Variants in WEE2 observed in about 807,000 individuals in gnomAD.
The protein encoded by WEE2 is wee1-like protein kinase 2.
WEE2 carries 50 observed loss-of-function variants against 60.1 expected under a neutral mutation model. That is an observed-to-expected ratio of 0.83 (90% CI 0.66 to 1.05). The LOEUF (loss-of-function observed/expected upper bound fraction) is 1.05, where lower values mean the gene tolerates loss of function less well. Ranked by LOEUF, WEE2 falls within the 50% of genes least tolerant of loss-of-function variation. The pLI, the probability that WEE2 is intolerant of heterozygous loss-of-function variation, is 0.00. For missense variants in WEE2, 631 were observed against 684.3 expected (o/e 0.92, Z 0.87); for synonymous variants, 240 against 241.0 (o/e 1.00, Z 0.04).
intron 5 of WEE2, among the ~76,000 whole-genome samples, chr7:141,722,176 C>T (rs188864861): frequency 0.011 from 1,714 of 152,086 alleles, 16 homozygotes; most frequent in Non-Finnish European, 0.015. Context: ...GAGGCCGAGG[C>T]GGGCAGATCA....
chr7:141,730,034 T>C (rs1434845018), intron 11 of WEE2, among the ~76,000 whole-genome samples: 1 of 151,822 alleles, frequency 6.6e-6, no homozygotes, highest in East Asian at 1.9e-4. Context: ...AGCCAACCTT[T>C]TACTGTAGAA....
rs375849311 is a variant in WEE2, at chr7:141,712,318, C to T, written c.343-1891C>T. ...TGTTTGTGTTTTTGTGAGAGGTTGCCTTCTCTTCTCACCATCTTCATAAGT... is the reference window on the plus strand; with the variant it reads ...TGTTTGTGTTTTTGTGAGAGGTTGCTTTCTCTTCTCACCATCTTCATAAGT... On this transcript the variant is annotated intron_variant, in intron 1 of 11. Coordinates refer to ENST00000397541, the MANE Select transcript of WEE2 (RefSeq NM_001105558.1). Among the ~76,000 whole-genome samples, 29 of 152,198 alleles carry T rather than the reference C, an allele frequency of 1.9e-4. No homozygotes were observed. In the East Asian group the frequency reaches 3.9e-3, roughly 20 times the overall value.
intron 8 of WEE2, 31 bp from the exon 9 acceptor site, chr7:141,724,995 G>A (rs1301546096): frequency 6.2e-7 from 1 of 1,603,166 alleles, no homozygotes. Flanking sequence ...GCTTGGCATA[G>A]TAACTGGCCT....
At chr7:141,721,184 AT>A in intron 5 of WEE2, 128 bp downstream of exon 5, 22 of 1,096,714 alleles carry the variant, frequency 2.0e-5, no homozygotes, top group Non-Finnish European at 2.6e-5. Flanking sequence ...TCTGTACTAT[AT>A]ATTATAGTCT....
chr7:141,727,438 A>G lies in WEE2; in HGVS notation c.1527A>G (p.Thr509=), dbSNP rs1340523133. Residue 509 remains threonine (T), a synonymous_variant, in exon 10 of 12, where the codon ACA becomes ACG. Transcript: ENST00000397541. ...ATTTGGAAAAGTTCAAGACTGCCAC[A>G]CTGGAAAGGTATATTTTTGGATGAT... The part of the protein sequence containing the change: ...QLNLEKFKTA[T]LERELREAQQ... 3 of 1,614,038 alleles carry G rather than the reference A, an allele frequency of 1.9e-6. No homozygotes were observed. Among genetic ancestry groups the G allele is most frequent in the African/African-American group, 1.3e-5 (1 of 74,916 alleles).
rs761551942 is a variant in WEE2 at position 141,724,021 on chromosome 7, C to G, written c.1108C>G (p.Leu370Val). 1.9e-6 allele frequency: 3 copies of G among 1,613,266 alleles called. No homozygotes were observed. The African/African-American group carries it at 4.0e-5, about 22-fold the overall frequency. ...EEVENEADWF[L>V]SANVMYKIGD... ...AGTTGAAAATGAAGCTGATTGGTTT[C>G]TCTCTGCCAATGTGATGTATAAAAT... The change falls in exon 7 of 12, where the codon CTC becomes GTC. Residue 370 changes from leucine to valine, a missense_variant. Coordinates refer to ENST00000397541, the MANE Select transcript of WEE2 (RefSeq NM_001105558.1).
At chr7:141,726,952 G>A (rs1465795127) in intron 9 of WEE2, among the ~76,000 whole-genome samples, 2 of 152,252 alleles carry the variant, frequency 1.3e-5, no homozygotes, top group Non-Finnish European at 2.9e-5. Flanking sequence ...AAGTAAACTG[G>A]AGTAAGAGTT....
At chr7:141,723,688 G>A (rs910160539) in intron 6 of WEE2, among the ~76,000 whole-genome samples, 6 of 151,852 alleles carry the variant, frequency 4.0e-5, no homozygotes, top group African/African-American at 1.5e-4. Flanking sequence ...TTATTTTGGG[G>A]ACAATAGTAC....
chr7:141,726,379 C>T lies in WEE2; in HGVS notation c.1393-925C>T, dbSNP rs62486730. Among the ~76,000 whole-genome samples, 188 of 152,202 alleles carry T rather than the reference C, an allele frequency of 1.2e-3. 1 individual carries two copies. Among genetic ancestry groups the T allele is most frequent in the Non-Finnish European group, 2.3e-3 (155 of 68,016 alleles). On this transcript the variant is annotated intron_variant, in intron 9 of 11. Transcript: ENST00000397541. ...TACTGCAGCCTTGAACTCCTGGGCT[C>T]GAGCAATCCTCCTGCCTCAGCTTCC...
intron 3 of WEE2, among the ~76,000 whole-genome samples, chr7:141,717,501 C>G (rs1030968301): frequency 3.4e-4 from 52 of 152,104 alleles, no homozygotes; most frequent in Admixed American, 3.3e-3. Context: ...AAGTGCAAAG[C>G]ATTGTATTTA....
chr7:141,720,149 T>TA (rs1798884958), intron 4 of WEE2, among the ~76,000 whole-genome samples: 1 of 27,768 alleles, frequency 3.6e-5, no homozygotes, highest in Non-Finnish European at 6.6e-5. Context: ...CTCTTTTTTT[T>TA]TTTTTTTTTT....
At chr7:141,720,905 T>C in intron 4 of WEE2, 30 bp from the exon 5 acceptor site, 1 of 1,601,796 alleles carries the variant, frequency 6.2e-7, no homozygotes, top group Admixed American at 1.7e-5. Context: ...GATTGATGTT[T>C]TTATTCCTCA....
chr7:141,719,151 A>T lies in WEE2; in HGVS notation c.665A>T (p.Glu222Val), dbSNP rs1446375580. The change falls in exon 4 of 12, where the codon GAA becomes GTA. Residue 222 changes from glutamate to valine, a missense_variant. By Grantham distance (121) the Glu-to-Val change is moderately radical. Transcript: ENST00000397541. ...GAGGTTGAAAAAATTGGGGTTGGCGAATTTGGTACAGTCTACAAGTGCATT... is the reference window on the plus strand; with the variant it reads ...GAGGTTGAAAAAATTGGGGTTGGCGTATTTGGTACAGTCTACAAGTGCATT... ...FLEVEKIGVG[E>V]FGTVYKCIKR... 1.2e-6 allele frequency: 2 copies of T among 1,613,992 alleles called. No homozygotes were observed. The highest frequency in any genetic ancestry group is 2.7e-5 in the African/African-American group (2 of 74,924).
intron 10 of WEE2, among the ~76,000 whole-genome samples, chr7:141,729,304 A>C (rs191908482): frequency 1.2e-4 from 18 of 152,336 alleles, no homozygotes; most frequent in Middle Eastern, 3.4e-3. Context: ...CTTATACTCC[A>C]ATCAGCAGAG....
Position 141,710,240 on chromosome 7 carries a change from A to G in WEE2, c.342+1140A>G, listed in dbSNP as rs190545999. 5.9e-5 allele frequency among the ~76,000 whole-genome samples: 9 copies of G among 152,274 alleles called. No individual in the cohort carries two copies. The East Asian group carries it at 1.5e-3, about 26-fold the overall frequency. On this transcript the variant is annotated intron_variant, in intron 1 of 11. Coordinates refer to ENST00000397541, the MANE Select transcript of WEE2 (RefSeq NM_001105558.1). Reference sequence around the variant, plus strand: ...GCAGAGAGAGAGTAGTTATGCCAAAAGGCACTATGTGATAAGTGTGGTCAG... The same window carrying G: ...GCAGAGAGAGAGTAGTTATGCCAAAGGGCACTATGTGATAAGTGTGGTCAG...
rs1406677490 is a variant in WEE2, at chr7:141,708,678, T to G, written c.-81T>G. On this transcript the variant is annotated 5_prime_UTR_variant, in exon 1 of 12. Coordinates refer to ENST00000397541, the MANE Select transcript of WEE2 (RefSeq NM_001105558.1). ...CGCGAAACCTGCAGGTTAAGTTATT[T>G]TCTCCTCCCTGCTTCTGTAGGTTCA... 1 of 1,276,454 alleles carries G rather than the reference T, an allele frequency of 7.8e-7. No individual in the cohort carries two copies. Among genetic ancestry groups the G allele is most frequent in the East Asian group, 2.3e-5 (1 of 42,936 alleles). The allele number at this position is 1,276,454 out of a possible 1,614,324, so 79.1% of individuals were successfully genotyped here.
At chr7:141,713,484 T>C (rs572343721) in intron 1 of WEE2, among the ~76,000 whole-genome samples, 13 of 152,120 alleles carry the variant, frequency 8.5e-5, no homozygotes, top group Non-Finnish European at 1.2e-4. Context: ...CCACTTGGAG[T>C]GGTAAGTCCT....
chr7:141,724,892 G>A (rs1798982980), intron 8 of WEE2, 134 bp from the exon 9 acceptor site: 3 of 996,552 alleles, frequency 3.0e-6, no homozygotes, highest in East Asian at 5.0e-5. Context: ...ACTAACTACA[G>A]CGAATGTATC....
At position 141,729,637 on chromosome 7, in the gene WEE2, G is replaced by A. The variant is rs749426996; in HGVS notation, c.1642G>A (p.Val548Met). Residue 548 changes from valine to methionine, a missense_variant, in exon 11 of 12, where the codon GTG (valine) becomes ATG (methionine). Physicochemically the swap from Val to Met is conservative, Grantham distance 21 (BLOSUM62 1). Coordinates refer to ENST00000397541, the MANE Select transcript of WEE2 (RefSeq NM_001105558.1). ...HTGSRSTKRL[V>M]GGKSARSSSF... Reference sequence around the variant, plus strand: ...AGGATCAAGAAGCACAAAACGCCTGGTGGGAGGAAAGAGTGCAAGGTCTTC... The same window carrying A: ...AGGATCAAGAAGCACAAAACGCCTGATGGGAGGAAAGAGTGCAAGGTCTTC... 16 of 1,613,880 alleles carry A rather than the reference G, an allele frequency of 9.9e-6. No individual in the cohort carries two copies. The highest frequency in any genetic ancestry group is 1.4e-5 in the Non-Finnish European group (16 of 1,179,994).
Sources: allele counts gnomAD v4.1 joint callset (sites outside exome capture counted in the v4.1 genomes callset), GRCh38; gene constraint gnomAD v4.1.1; transcripts MANE v1.5; gene names NCBI Gene and HGNC (gene_info 2026-07-23, HGNC 2026-07-21).